PODXL2: variants seen among roughly 807,000 people sequenced by gnomAD.
The protein encoded by PODXL2 is podocalyxin like 2.
A neutral mutation model predicts 53.4 loss-of-function variants in PODXL2; 17 were observed. That is an observed-to-expected ratio of 0.32 (90% confidence interval 0.22 to 0.48). PODXL2 has a LOEUF of 0.48. Ranked by LOEUF, PODXL2 falls within the 20% of genes least tolerant of loss-of-function variation. The pLI, the probability that PODXL2 is intolerant of heterozygous loss-of-function variation, is 0.99. For synonymous variants in PODXL2, 311 were observed against 306.7 expected (o/e 1.01, Z -0.15); for missense variants, 673 against 760.0 (o/e 0.89, Z 1.35).
At chr3:127,645,650 C>T (rs1238737237) in intron 2 of PODXL2, among the ~76,000 whole-genome samples, 1 of 152,186 alleles carries the variant, frequency 6.6e-6, no homozygotes, top group East Asian at 1.9e-4. Context: ...TGGCAGTGGC[C>T]CTGAAATCAG....
At chr3:127,631,643 A>G (rs560448624) in intron 1 of PODXL2, among the ~76,000 whole-genome samples, 2 of 152,136 alleles carry the variant, frequency 1.3e-5, no homozygotes, top group South Asian at 2.1e-4. Context: ...TGGGGTCTCA[A>G]TTAAGGCAGA....
chr3:127,650,998 C>T (rs934482377), intron 2 of PODXL2, among the ~76,000 whole-genome samples: 1 of 152,134 alleles, frequency 6.6e-6, no homozygotes, highest in Non-Finnish European at 1.5e-5. Context: ...GGTGCGATGG[C>T]TCACACCCGT....
At chr3:127,634,026 G>A (rs72965774) in intron 1 of PODXL2, among the ~76,000 whole-genome samples, 62 of 152,148 alleles carry the variant, frequency 4.1e-4, no homozygotes, top group African/African-American at 1.4e-3. Flanking sequence ...TGGGGAAGGT[G>A]GGTGCAGAGA....
At chr3:127,642,277 G>A (rs879849723) in intron 2 of PODXL2, among the ~76,000 whole-genome samples, 6 of 143,534 alleles carry the variant, frequency 4.2e-5, no homozygotes, top group East Asian at 2.0e-4. Context: ...GGGACAGAGC[G>A]AGACTCCATC....
chr3:127,667,260 CG>C (rs2074799353), intron 4 of PODXL2, among the ~76,000 whole-genome samples: 1 of 152,240 alleles, frequency 6.6e-6, no homozygotes, highest in South Asian at 2.1e-4. Context: ...ATGACAACTA[CG>C]GAACAGCTCA....
At chr3:127,630,548 A>G (rs1268595070) in intron 1 of PODXL2, among the ~76,000 whole-genome samples, 2 of 152,154 alleles carry the variant, frequency 1.3e-5, no homozygotes, top group South Asian at 2.1e-4. Flanking sequence ...AAGGGTCTCT[A>G]TGGGAAGGGA....
At chr3:127,665,775 G>A (rs960883541) in intron 4 of PODXL2, among the ~76,000 whole-genome samples, 7 of 152,206 alleles carry the variant, frequency 4.6e-5, no homozygotes, top group African/African-American at 1.2e-4. Context: ...GTGATGAGGC[G>A]CCAGTCCTTT....
chr3:127,637,065 C>T (rs949842144), intron 1 of PODXL2, among the ~76,000 whole-genome samples: 5 of 152,148 alleles, frequency 3.3e-5, no homozygotes, highest in African/African-American at 4.8e-5. Context: ...TCAAGTGATC[C>T]GCCCGCCTCG....
At chr3:127,663,185 A>G (rs2074777909) in intron 4 of PODXL2, among the ~76,000 whole-genome samples, 1 of 152,222 alleles carries the variant, frequency 6.6e-6, no homozygotes, top group Admixed American at 6.5e-5. Flanking sequence ...CCGTTTCTTA[A>G]GCAAACTTTC....
intron 4 of PODXL2, among the ~76,000 whole-genome samples, chr3:127,665,116 C>A (rs1053333641): frequency 6.6e-6 from 1 of 152,218 alleles, no homozygotes; most frequent in Admixed American, 6.5e-5. Context: ...TTCAATTTCA[C>A]CATGGTTCCA....
chr3:127,639,641 G>A, intron 2 of PODXL2, 118 bp downstream of exon 2: 1 of 985,870 alleles, frequency 1.0e-6, no homozygotes, highest in Non-Finnish European at 1.5e-6. Flanking sequence ...TTTTTACCAT[G>A]CTGCTGCTGT....
At chr3:127,661,598 G>A (rs2074768302) in intron 3 of PODXL2, among the ~76,000 whole-genome samples, 1 of 151,990 alleles carries the variant, frequency 6.6e-6, no homozygotes, top group South Asian at 2.1e-4. Flanking sequence ...CACCATGCCT[G>A]GCTAATTTTT....
Position 127,629,312 on chromosome 3 carries a change from C to T in PODXL2, c.70+23C>T. The T allele has an allele frequency of 9.9e-7, 1 of 1,013,400 alleles. No individual in the cohort carries two copies. The highest frequency in any genetic ancestry group is 1.2e-6 in the Non-Finnish European group (1 of 848,830). The allele number at this position is 1,013,400 out of a possible 1,614,324, so 62.8% of individuals were successfully genotyped here. A position where few individuals can be genotyped will look rare whatever the true frequency, so the allele number is the denominator to read the frequency against. On this transcript the variant is annotated intron_variant, in intron 1 of 7. Transcript: ENST00000342480. This position sits in a 1 kb window ranked among gnomAD's most constrained non-coding sequence, Gnocchi z 6.4. ...GGGGTGAGTGCGCTCCGGGCCCGAG[C>T]GCGGGAGGGCGGGCGGCGGCGTGGG... is the stretch of plus-strand genomic sequence containing the variant.
intron 2 of PODXL2, among the ~76,000 whole-genome samples, chr3:127,642,333 G>A (rs759405164): frequency 3.3e-5 from 5 of 151,222 alleles, no homozygotes; most frequent in African/African-American, 4.9e-5. Flanking sequence ...CATCCCACGC[G>A]GAAACAGAAG....
intron 2 of PODXL2, among the ~76,000 whole-genome samples, chr3:127,640,643 G>A (rs1253380091): frequency 2.0e-5 from 3 of 152,014 alleles, no homozygotes; most frequent in Non-Finnish European, 4.4e-5. Flanking sequence ...GGAGGTTGCA[G>A]TGAGCTGAGA....
chr3:127,643,903 T>C (rs975411691), intron 2 of PODXL2, among the ~76,000 whole-genome samples: 4 of 152,086 alleles, frequency 2.6e-5, no homozygotes, highest in Non-Finnish European at 5.9e-5. Context: ...CCTCCCAAAG[T>C]GCTGGGATTA....
intron 5 of PODXL2, among the ~76,000 whole-genome samples, chr3:127,668,906 T>A (rs937370532): frequency 6.6e-6 from 1 of 152,104 alleles, no homozygotes; most frequent in Non-Finnish European, 1.5e-5. Flanking sequence ...GAAGGCAGTG[T>A]GTGGGCTTCG....
chr3:127,672,425 G>A lies in PODXL2; in HGVS notation c.1763G>A (p.Gly588Glu). Residue 588 changes from glycine (G) to glutamate (E), a missense_variant, in exon 8 of 8, where the codon GGG (glycine) becomes GAG (glutamate). Transcript: ENST00000342480. The stretch of plus-strand genomic sequence containing the variant: ...CCGGGGAGCTGGGGGGCGCTCATGG[G>A]GGGCAAGCGGGACCCCGAGGACTCG... ...NGPGSWGALM[G>E]GKRDPEDSDV... 6.5e-7 allele frequency: 1 copy of A among 1,541,204 alleles called. No individual in the cohort carries two copies. Among genetic ancestry groups the A allele is most frequent in the Non-Finnish European group, 8.7e-7 (1 of 1,145,394 alleles).
At chr3:127,651,991 G>A (rs2074692300) in intron 2 of PODXL2, among the ~76,000 whole-genome samples, 1 of 152,218 alleles carries the variant, frequency 6.6e-6, no homozygotes, top group South Asian at 2.1e-4. Context: ...GTTGGCTGCG[G>A]CCACAAAGGT....
Sources: gnomAD v4.1 joint callset for allele counts (sites outside exome capture counted in the v4.1 genomes callset) on GRCh38, gnomAD v4.1.1 for gene constraint, Gnocchi (gnomAD v3.1) non-coding constraint, MANE v1.5 for transcripts, NCBI Gene and HGNC (gene_info 2026-07-23, HGNC 2026-07-21) for gene names.